The following EFCAB6 variants were observed in gnomAD, a reference collection of about 807,000 sequenced individuals.
The protein encoded by EFCAB6 is EF-hand calcium-binding domain-containing protein 6.
Under a neutral mutation model 169.8 loss-of-function variants are expected in EFCAB6, and 156 were observed. That is an observed-to-expected ratio of 0.92 (90% confidence interval 0.81 to 1.05). The LOEUF (loss-of-function observed/expected upper bound fraction) is 1.05. EFCAB6 is among the 50% of genes least tolerant of loss of function. The pLI, the probability that EFCAB6 is intolerant of heterozygous loss-of-function variation, is 0.00. For missense variants in EFCAB6, 1,800 were observed against 1,829.1 expected, an observed-to-expected ratio of 0.98 and a Z score of 0.29; for synonymous variants, 698 against 676.4, an observed-to-expected ratio of 1.03 and a Z score of -0.50.
chr22:43,574,136 A>G (rs1364039884), intron 26 of EFCAB6, among the ~76,000 whole-genome samples: 4 of 131,848 alleles, frequency 3.0e-5, no homozygotes, highest in African/African-American at 1.1e-4. Flanking sequence ...CAAAAGCTGG[A>G]AAAAAAAAAT....
chr22:43,712,594 A>G (rs535376591), intron 9 of EFCAB6, among the ~76,000 whole-genome samples: 1 of 152,378 alleles, frequency 6.6e-6, no homozygotes, highest in African/African-American at 2.4e-5. Context: ...AGAAAATTGC[A>G]TAAAATTAAC....
intron 8 of EFCAB6, among the ~76,000 whole-genome samples, chr22:43,720,491 G>C (rs945381257): frequency 2.6e-5 from 4 of 152,068 alleles, no homozygotes; most frequent in Non-Finnish European, 5.9e-5. Context: ...CAGCCTGGGT[G>C]ACAGAGCAAG....
At chr22:43,552,906 G>T (rs1440092267) in intron 27 of EFCAB6, 1 of 152,132 alleles carries the variant, frequency 6.6e-6, no homozygotes, top group Admixed American at 6.5e-5. Flanking sequence ...ATGCTAAGAG[G>T]AGTATTTGCA....
intron 22 of EFCAB6, among the ~76,000 whole-genome samples, chr22:43,601,265 C>A (rs1373765700): frequency 1.3e-5 from 2 of 152,136 alleles, no homozygotes; most frequent in Admixed American, 1.3e-4. Context: ...GGGTTTTTAT[C>A]TCCCAACGTT....
intron 20 of EFCAB6, among the ~76,000 whole-genome samples, chr22:43,623,007 G>T (rs1441402335): frequency 1.3e-5 from 2 of 152,202 alleles, no homozygotes; most frequent in Non-Finnish European, 2.9e-5. Context: ...GAAAATTTGA[G>T]AAAGGAAGAG....
chr22:43,580,809 G>A, intron 24 of EFCAB6, 150 bp from the exon 25 acceptor site: 2 of 774,118 alleles, frequency 2.6e-6, no homozygotes, highest in Non-Finnish European at 4.2e-6. Flanking sequence ...AGACATGGCA[G>A]TTAGCTCTGC....
intron 25 of EFCAB6, 55 bp downstream of exon 25, chr22:43,580,409 T>C (rs949733053): frequency 6.3e-7 from 1 of 1,576,388 alleles, no homozygotes; most frequent in African/African-American, 1.4e-5. Context: ...GGCTGAGAGG[T>C]GTTTTCATGA....
At chr22:43,642,336 T>C (rs2055858998) in intron 17 of EFCAB6, among the ~76,000 whole-genome samples, 1 of 152,106 alleles carries the variant, frequency 6.6e-6, no homozygotes, top group African/African-American at 2.4e-5. Context: ...TTATTTTTAA[T>C]AAGTAATATT....
intron 27 of EFCAB6, among the ~76,000 whole-genome samples, chr22:43,542,759 C>T (rs192789726): frequency 2.0e-5 from 3 of 152,048 alleles, no homozygotes; most frequent in Non-Finnish European, 4.4e-5. Context: ...CACCAATGGG[C>T]CTAACGGCAC....
intron 23 of EFCAB6, among the ~76,000 whole-genome samples, chr22:43,591,562 C>T (rs2051560503): frequency 6.6e-6 from 1 of 151,846 alleles, no homozygotes; most frequent in Admixed American, 6.6e-5. Context: ...CACACACTCA[C>T]ATGTGACCTC....
At chr22:43,613,616 G>A (rs1224367449) in intron 21 of EFCAB6, among the ~76,000 whole-genome samples, 2 of 152,072 alleles carry the variant, frequency 1.3e-5, no homozygotes, top group Non-Finnish European at 2.9e-5. Flanking sequence ...ACTTGAGGGT[G>A]GAGGGGGAAA....
intron 2 of EFCAB6, among the ~76,000 whole-genome samples, chr22:43,804,769 A>C (rs2062853027): frequency 6.6e-6 from 1 of 152,062 alleles, no homozygotes; most frequent in South Asian, 2.1e-4. Context: ...AAAAAAAAAA[A>C]AAAAAAAAAT....
In EFCAB6 at chr22:43,632,198, A is replaced by G. The variant is rs147822612; in HGVS notation, c.2139T>C (p.Pro713=). 3.3e-4 allele frequency: 523 copies of G among 1,605,958 alleles called. 2 individuals carry two copies. In the African/African-American group the frequency reaches 6.4e-3, roughly 20 times the overall value. Reference sequence around the variant, plus strand: ...TCACGTAACTTTTTGAAGGAGTTGGAGGCTGCGGCGGAGTGGTTTCCGGCC... The same window carrying G: ...TCACGTAACTTTTTGAAGGAGTTGGGGGCTGCGGCGGAGTGGTTTCCGGCC... ...MRGPETTPPQ[P]PTPSKSYVNS... is the part of the protein sequence containing the mutation. Residue 713 remains proline (P), a synonymous_variant, in exon 19 of 32, where the codon CCT becomes CCC. Transcript: ENST00000262726.
intron 26 of EFCAB6, among the ~76,000 whole-genome samples, chr22:43,570,714 C>T (rs1463207946): frequency 2.0e-5 from 3 of 151,778 alleles, no homozygotes; most frequent in Non-Finnish European, 2.9e-5. Flanking sequence ...CAGTGCTTCT[C>T]ATCTTGAAAG....
At chr22:43,538,924 G>A (rs529051020) in intron 28 of EFCAB6, among the ~76,000 whole-genome samples, 13 of 152,292 alleles carry the variant, frequency 8.5e-5, no homozygotes, top group Admixed American at 3.9e-4. Flanking sequence ...CTAAAATCAA[G>A]GTGCCCAGTG....
Position 43,765,364 on chromosome 22 carries a change from C to T in EFCAB6, c.381G>A (p.Pro127=), listed in dbSNP as rs1365351653. The change falls in exon 5 of 32, where the codon CCG becomes CCA. Residue 127 remains proline, a synonymous_variant. Coordinates refer to ENST00000262726, the MANE Select transcript of EFCAB6 (RefSeq NM_022785.4). ...CAAACCTGGACAGAAAGGCAAGGTA[C>T]GGTACAGTACCAGAGGTGCTAAGGG... ...QIPLSTSGTV[P]YLAFLSRFGG... 6.8e-6 allele frequency: 11 copies of T among 1,612,120 alleles called. No homozygotes were observed. Among genetic ancestry groups the T allele is most frequent in the African/African-American group, 2.7e-5 (2 of 74,886 alleles).
chr22:43,641,587 G>A (rs1307960824), intron 17 of EFCAB6, among the ~76,000 whole-genome samples: 2 of 147,548 alleles, frequency 1.4e-5, no homozygotes, highest in African/African-American at 2.5e-5. Flanking sequence ...TTACACTCCA[G>A]CCTGGGAGAC....
chr22:43,563,928 G>A (rs903595505), intron 26 of EFCAB6, among the ~76,000 whole-genome samples: 2 of 152,242 alleles, frequency 1.3e-5, no homozygotes, highest in Non-Finnish European at 2.9e-5. Context: ...CGGCTGCGGT[G>A]AGCTCTGGGC....
intron 27 of EFCAB6, 120 bp from the exon 28 acceptor site, chr22:43,540,477 T>C: frequency 6.4e-7 from 1 of 1,556,186 alleles, no homozygotes; most frequent in Non-Finnish European, 8.6e-7. Flanking sequence ...ACGTGACTGG[T>C]GAAGAAGAAA....
Sources: gnomAD v4.1 joint callset for allele counts (sites outside exome capture counted in the v4.1 genomes callset) on GRCh38, gnomAD v4.1.1 for gene constraint, MANE v1.5 for transcripts, NCBI Gene and HGNC (gene_info 2026-07-23, HGNC 2026-07-21) for gene names.